Variants in NRXN1 observed in about 807,000 individuals in gnomAD.
NRXN1 encodes neurexin-1.
NRXN1 carries 39 observed loss-of-function variants against 150.9 expected under a neutral mutation model. The observed-to-expected ratio is 0.26, with a 90% CI of 0.20 to 0.34. The LOEUF (loss-of-function observed/expected upper bound fraction) is 0.34. NRXN1 is among the 10% of genes least tolerant of loss of function. NRXN1 has a pLI of 1.00. For synonymous variants in NRXN1, 924 were observed against 757.0 expected (o/e 1.22, Z -3.62); for missense variants, 1,815 against 1,949.9 (o/e 0.93, Z 1.30).
intron 18 of NRXN1, among the ~76,000 whole-genome samples, chr2:50,168,696 C>G (rs534090934): frequency 1.3e-5 from 2 of 152,124 alleles, no homozygotes; most frequent in Non-Finnish European, 2.9e-5. Flanking sequence ...AGAGGCCAAC[C>G]AACACTTTAT....
At chr2:49,952,770 G>T (rs546317245) in intron 21 of NRXN1, among the ~76,000 whole-genome samples, 2 of 152,028 alleles carry the variant, frequency 1.3e-5, no homozygotes, top group East Asian at 3.9e-4. Flanking sequence ...AACTTCCAAG[G>T]TCTCTCTCTT....
intron 8 of NRXN1, among the ~76,000 whole-genome samples, chr2:50,595,928 T>C (rs1423481235): frequency 1.3e-5 from 2 of 152,220 alleles, no homozygotes; most frequent in East Asian, 3.9e-4. Flanking sequence ...GAGGCTCTTA[T>C]CTTTCCATCA....
intron 17 of NRXN1, among the ~76,000 whole-genome samples, chr2:50,438,358 G>A (rs2085633507): frequency 6.6e-6 from 1 of 152,214 alleles, no homozygotes; most frequent in Non-Finnish European, 1.5e-5. Flanking sequence ...GACAGCCAAA[G>A]CAAAATGTCA....
intron 21 of NRXN1, among the ~76,000 whole-genome samples, chr2:49,995,780 CAAAAA>C (rs1163315598): frequency 5.5e-5 from 2 of 36,382 alleles, no homozygotes; most frequent in East Asian, 1.0e-3. Flanking sequence ...GACTCCGTCT[CAAAAA>C]AAAAAAAAAA....
intron 17 of NRXN1, among the ~76,000 whole-genome samples, chr2:50,363,483 A>G (rs2079367147): frequency 6.6e-6 from 1 of 152,222 alleles, no homozygotes; most frequent in South Asian, 2.1e-4. Flanking sequence ...CAATAAACAC[A>G]TGTAAAAAAG....
Position 50,925,923 on chromosome 2 carries a change from G to T in NRXN1, c.790+15C>A, listed in dbSNP as rs199971936. ...GACAAATGAGAGTTGGAAAAATAAG[G>T]TAGAAAGCACCCACCTTCCACATTG... On this transcript the variant is annotated intron_variant, in intron 3 of 22. Transcript: ENST00000401669. The T allele has an allele frequency of 1.9e-5, 30 of 1,567,258 alleles. No individual in the cohort carries two copies. In the African/African-American group the frequency reaches 3.8e-4, roughly 20 times the overall value.
chr2:50,639,265 G>C (rs1683714099), intron 5 of NRXN1, among the ~76,000 whole-genome samples: 1 of 141,550 alleles, frequency 7.1e-6, no homozygotes, highest in Non-Finnish European at 1.5e-5. Context: ...CTGTCACCCA[G>C]GCTGGAGTGC....
intron 2 of NRXN1, among the ~76,000 whole-genome samples, chr2:51,008,561 T>C (rs1190369311): frequency 1.3e-5 from 2 of 151,900 alleles, no homozygotes; most frequent in Non-Finnish European, 2.9e-5. Context: ...TACACATCAA[T>C]TCCTTTCCTC....
intron 5 of NRXN1, among the ~76,000 whole-genome samples, chr2:50,801,024 TTAAAC>T (rs1707516846): frequency 6.6e-6 from 1 of 152,210 alleles, no homozygotes; most frequent in Non-Finnish European, 1.5e-5. Context: ...ATGACTTCTA[TTAAAC>T]TAATTTAATT....
At chr2:50,932,899 A>G (rs1355738739) in intron 2 of NRXN1, among the ~76,000 whole-genome samples, 1 of 151,854 alleles carries the variant, frequency 6.6e-6, no homozygotes, top group Non-Finnish European at 1.5e-5. Flanking sequence ...GAAAAATACT[A>G]TTTTCTTAAT....
At chr2:49,959,159 G>T (rs1276169554) in intron 21 of NRXN1, among the ~76,000 whole-genome samples, 1 of 152,098 alleles carries the variant, frequency 6.6e-6, no homozygotes, top group Non-Finnish European at 1.5e-5. Context: ...ATTGAAACAA[G>T]ATTCCACATT....
At chr2:50,134,317 C>T (rs1706045804) in intron 18 of NRXN1, among the ~76,000 whole-genome samples, 1 of 148,928 alleles carries the variant, frequency 6.7e-6, no homozygotes, top group African/African-American at 2.5e-5. Context: ...AACAGGTTTT[C>T]CCTCACCATA....
intron 21 of NRXN1, among the ~76,000 whole-genome samples, chr2:49,972,517 A>C (rs1678132555): frequency 6.6e-6 from 1 of 152,226 alleles, no homozygotes; most frequent in Non-Finnish European, 1.5e-5. Flanking sequence ...TGAATCATCC[A>C]AAGTCTAGTA....
chr2:50,224,519 G>C (rs1285438355), intron 18 of NRXN1, among the ~76,000 whole-genome samples: 1 of 151,608 alleles, frequency 6.6e-6, no homozygotes, highest in Non-Finnish European at 1.5e-5. Context: ...ATTTCAGAGG[G>C]GGAATTTAAC....
chr2:50,304,559 C>T (rs900672014), intron 17 of NRXN1, among the ~76,000 whole-genome samples: 1 of 152,134 alleles, frequency 6.6e-6, no homozygotes, highest in East Asian at 1.9e-4. Context: ...CTTTTTATAG[C>T]TGGGTAATAT....
intron 5 of NRXN1, among the ~76,000 whole-genome samples, chr2:50,684,024 T>C (rs1690863686): frequency 6.6e-6 from 1 of 152,046 alleles, no homozygotes; most frequent in Non-Finnish European, 1.5e-5. Context: ...ATTTCATCTT[T>C]GGCAATTTTC....
At chr2:50,482,911 C>T (rs568526137) in intron 15 of NRXN1, among the ~76,000 whole-genome samples, 3 of 151,878 alleles carry the variant, frequency 2.0e-5, no homozygotes, top group African/African-American at 7.2e-5. Context: ...ATTAGCTGTG[C>T]GTGGTGGCAT....
intron 5 of NRXN1, among the ~76,000 whole-genome samples, chr2:50,798,636 T>C (rs1425446760): frequency 1.3e-5 from 2 of 152,162 alleles, no homozygotes; most frequent in African/African-American, 2.4e-5. Context: ...ATGGAGGCTA[T>C]ACGCTGATTG....
chr2:50,017,892 T>G (rs1373154997), intron 21 of NRXN1, among the ~76,000 whole-genome samples: 1 of 152,178 alleles, frequency 6.6e-6, no homozygotes, highest in Non-Finnish European at 1.5e-5. Flanking sequence ...CAGTTTCCAT[T>G]TTGGGACAGG....
Sources: allele counts gnomAD v4.1 joint callset (sites outside exome capture counted in the v4.1 genomes callset), GRCh38; gene constraint gnomAD v4.1.1; transcripts MANE v1.5; gene names NCBI Gene and HGNC (gene_info 2026-07-23, HGNC 2026-07-21).